POLD2: variants seen among roughly 807,000 people sequenced by gnomAD.
The protein encoded by POLD2 is DNA polymerase delta 2, accessory subunit.
POLD2 carries 31 observed loss-of-function variants against 48.8 expected under a neutral mutation model. The observed-to-expected ratio is 0.64, with a 90% CI of 0.48 to 0.86. POLD2 has a LOEUF of 0.86. POLD2 is among the 40% of genes least tolerant of loss of function. The pLI is 0.00. For missense variants in POLD2, 455 were observed against 610.1 expected (o/e 0.75, Z 2.68); for synonymous variants, 233 against 256.3 (o/e 0.91, Z 0.87).
intron 1 of POLD2, 79 bp downstream of exon 1, chr7:44,123,432 G>A (rs2096251035): frequency 6.7e-7 from 1 of 1,483,852 alleles, no homozygotes; most frequent in Non-Finnish European, 8.9e-7. Flanking sequence ...CAAGACACCA[G>A]CCCACCGACC....
Position 44,116,629 on chromosome 7 carries a change from C to T in POLD2, c.781-119G>A, listed in dbSNP as rs2128810713. 3.0e-6 allele frequency: 3 copies of T among 1,015,628 alleles called. No homozygotes were observed. Among genetic ancestry groups the T allele is most frequent in the South Asian group, 2.9e-5 (2 of 69,338 alleles). 62.9% of individuals were successfully genotyped at this position (1,015,628 alleles called of 1,614,324 possible). A position where few individuals can be genotyped will look rare whatever the true frequency, so the allele number is the denominator to read the frequency against. On this transcript the variant is annotated intron_variant, in intron 6 of 10. Transcript: ENST00000610533. This position sits in a 1 kb window ranked among gnomAD's most constrained non-coding sequence, Gnocchi z 6.1. Reference sequence around the variant, plus strand: ...CCATAGACCCTCACTCCCTTCAAGCCTCCCACCATCCTCAGCGAGGGCCTG... The same window carrying T: ...CCATAGACCCTCACTCCCTTCAAGCTTCCCACCATCCTCAGCGAGGGCCTG...
At chr7:44,122,317 T>A in intron 1 of POLD2, 1 of 1,372,858 alleles carries the variant, frequency 7.3e-7, no homozygotes, top group East Asian at 2.8e-5. Context: ...AAAGGAAAGC[T>A]AGGAGTGTTT....
At chr7:44,117,845 T>TCTCTGAACCTG in intron 3 of POLD2, 98 bp downstream of exon 3, 1 of 1,595,516 alleles carries the variant, frequency 6.3e-7, no homozygotes. Flanking sequence ...GAGTCCATTG[T>TCTCTGAACCTG]CTCTGAACCT....
chr7:44,114,878 A>G lies in POLD2; in HGVS notation c.1317T>C (p.Leu439=). 6.2e-7 allele frequency: 1 copy of G among 1,613,868 alleles called. No homozygotes were observed. Among genetic ancestry groups the G allele is most frequent in the South Asian group, 1.1e-5 (1 of 91,042 alleles). The change falls in exon 11 of 11, where the codon CTT becomes CTC. Residue 439 remains leucine (L), a synonymous_variant. Coordinates refer to ENST00000610533, the MANE Select transcript of POLD2 (RefSeq NM_006230.4). ...PDFSATQTAC[L]VNLRSLACQP... is the part of the protein sequence containing the mutation. Reference sequence around the variant, plus strand: ...GGCAGGCCAGGCTGCGCAGGTTCACAAGGCAGGCGGTCTGCGTGGCACTGA... The same window carrying G: ...GGCAGGCCAGGCTGCGCAGGTTCACGAGGCAGGCGGTCTGCGTGGCACTGA...
chr7:44,122,427 T>G, intron 1 of POLD2: 1 of 1,079,678 alleles, frequency 9.3e-7, no homozygotes, highest in Non-Finnish European at 1.1e-6. Context: ...CCAAATGGAA[T>G]TCCCGATCTG....
chr7:44,123,513 C>A lies in POLD2; in HGVS notation c.-59G>T, dbSNP rs1295736040. On this transcript the variant is annotated splice_region_variant and 5_prime_UTR_variant, in exon 1 of 11. Transcript: ENST00000610533. ...CCGTTTCCCTGGACCCCACTCACCGCGCGGCGCGCCGCATCCCGCCAATCC... is the reference window on the plus strand; with the variant it reads ...CCGTTTCCCTGGACCCCACTCACCGAGCGGCGCGCCGCATCCCGCCAATCC... 2.1e-5 allele frequency: 31 copies of A among 1,483,538 alleles called. No homozygotes were observed. Among genetic ancestry groups the A allele is most frequent in the Non-Finnish European group, 2.6e-5 (29 of 1,124,712 alleles). The allele number at this position is 1,483,538 out of a possible 1,614,324, so 91.9% of individuals were successfully genotyped here. A position where few individuals can be genotyped will look rare whatever the true frequency, so the allele number is the denominator to read the frequency against.
chr7:44,116,880 G>A lies in POLD2; in HGVS notation c.717C>T (p.Ser239=). Residue 239 remains serine, a synonymous_variant, in exon 6 of 11, where the codon TCC becomes TCT. Coordinates refer to ENST00000610533, the MANE Select transcript of POLD2 (RefSeq NM_006230.4). The surrounding 1 kb of genome is among the most constrained non-coding windows in gnomAD (Gnocchi z 6.1). ...GGAGGTTGCCAGCGAGGATAACCCG[G>A]GAGACGTGGGCGGCGCTGCACTGCT... The part of the protein sequence containing the change: ...EGEQCSAAHV[S]RVILAGNLLS... 1 of 1,613,998 alleles carries A rather than the reference G, an allele frequency of 6.2e-7. No individual in the cohort carries two copies. The highest frequency in any genetic ancestry group is 1.1e-5 in the South Asian group (1 of 91,084).
At chr7:44,115,501 C>A in intron 9 of POLD2, 105 bp from the exon 10 acceptor site, 1 of 826,068 alleles carries the variant, frequency 1.2e-6, no homozygotes, top group Non-Finnish European at 2.1e-6. Context: ...CAGTAGGAGA[C>A]CCCCAGTGTG....
chr7:44,115,054 A>G, intron 10 of POLD2, 109 bp from the exon 11 acceptor site: 1 of 985,270 alleles, frequency 1.0e-6, no homozygotes, highest in Non-Finnish European at 1.5e-6. Context: ...TGGGGCAGTG[A>G]CAATAGGAGA....
At chr7:44,123,306 A>T (rs929367785) in intron 1 of POLD2, 3 of 1,364,946 alleles carry the variant, frequency 2.2e-6, no homozygotes, top group African/African-American at 3.1e-5. Flanking sequence ...AACGTGCTTG[A>T]TGGCGGCAGC....
In POLD2 at chr7:44,116,316, G is replaced by A; in HGVS notation, c.862-44C>T. ...GGAGAGCTCACAGGGCCCCGAAGGA[G>A]CCCCCTACACCAACTCCGGCCACTC... On this transcript the variant is annotated intron_variant, in intron 7 of 10. Coordinates refer to ENST00000610533, the MANE Select transcript of POLD2 (RefSeq NM_006230.4). The surrounding 1 kb of genome is among the most constrained non-coding windows in gnomAD (Gnocchi z 6.1). The A allele has an allele frequency of 6.3e-7, 1 of 1,596,416 alleles. No homozygotes were observed. Among genetic ancestry groups the A allele is most frequent in the Non-Finnish European group, 8.5e-7 (1 of 1,169,694 alleles).
At chr7:44,123,415 CG>C (rs2096251012) in intron 1 of POLD2, 95 bp downstream of exon 1, 1 of 1,458,962 alleles carries the variant, frequency 6.9e-7, no homozygotes, top group Non-Finnish European at 9.0e-7. Context: ...AGCTGCGGGA[CG>C]TCCGCCAAGA....
At chr7:44,123,473 C>T in intron 1 of POLD2, 38 bp downstream of exon 1, 2 of 1,496,594 alleles carry the variant, frequency 1.3e-6, no homozygotes, top group Non-Finnish European at 8.8e-7. Context: ...CTGGAACTGC[C>T]ACCCCCAGCT....
Position 44,121,782 on chromosome 7 carries a change from T to G in POLD2, c.220+52A>C. ...CTGTTCCCATTCTCTTGCAGAACACTTCTAAGTTCAGGGATGCTGTGGGGG... is the reference window on the plus strand; with the variant it reads ...CTGTTCCCATTCTCTTGCAGAACACGTCTAAGTTCAGGGATGCTGTGGGGG... On this transcript the variant is annotated intron_variant, in intron 2 of 10. Coordinates refer to ENST00000610533, the MANE Select transcript of POLD2 (RefSeq NM_006230.4). The surrounding 1 kb of genome is among the most constrained non-coding windows in gnomAD (Gnocchi z 4.5). 6.4e-7 allele frequency: 1 copy of G among 1,557,072 alleles called. No homozygotes were observed. Among genetic ancestry groups the G allele is most frequent in the Non-Finnish European group, 8.7e-7 (1 of 1,144,274 alleles).
chr7:44,120,451 G>A (rs1437703117), intron 2 of POLD2, among the ~76,000 whole-genome samples: 1 of 152,218 alleles, frequency 6.6e-6, no homozygotes, highest in Non-Finnish European at 1.5e-5. Flanking sequence ...AGCCGCAGGA[G>A]GGAGCCCCTG....
chr7:44,119,977 G>A (rs1205339431), intron 2 of POLD2, among the ~76,000 whole-genome samples: 3 of 152,206 alleles, frequency 2.0e-5, no homozygotes, highest in African/African-American at 4.8e-5. Context: ...GAAGACAAGG[G>A]AAAGAGTGTG....
chr7:44,116,280 G>A lies in POLD2; in HGVS notation c.862-8C>T. On this transcript the variant is annotated splice_region_variant and splice_polypyrimidine_tract_variant and intron_variant, in intron 7 of 10. Coordinates refer to ENST00000610533, the MANE Select transcript of POLD2 (RefSeq NM_006230.4). The surrounding 1 kb of genome is among the most constrained non-coding windows in gnomAD (Gnocchi z 6.1). Reference sequence around the variant, plus strand: ...GTCCACGGGCACTGAGGCCTGGAAGGCACAGGGCAGGGAGAGCTCACAGGG... The same window carrying A: ...GTCCACGGGCACTGAGGCCTGGAAGACACAGGGCAGGGAGAGCTCACAGGG... 1 of 1,606,092 alleles carries A rather than the reference G, an allele frequency of 6.2e-7. No individual in the cohort carries two copies. The highest frequency in any genetic ancestry group is 8.5e-7 in the Non-Finnish European group (1 of 1,175,548).
At chr7:44,117,886 G>A in intron 3 of POLD2, 57 bp downstream of exon 3, 22 of 1,604,242 alleles carry the variant, frequency 1.4e-5, no homozygotes, top group Non-Finnish European at 1.8e-5. Context: ...CCAGGGAGGT[G>A]TTCTAGTGGG....
In POLD2 at chr7:44,122,334, T is replaced by C. The variant is rs138216631; in HGVS notation, c.-56-225A>G. The C allele has an allele frequency of 5.7e-3, 7,643 of 1,329,314 alleles. 98 individuals carry two copies. The highest frequency in any genetic ancestry group is 0.04 in the South Asian group (2,000 of 49,502). 82.3% of individuals were successfully genotyped at this position (1,329,314 alleles called of 1,614,324 possible). On this transcript the variant is annotated intron_variant, in intron 1 of 10. Transcript: ENST00000610533. ...AGGAAAGCTAGGAGTGTTTGTCCCA[T>C]CTGGAGTTCTTCCCGAACCCTAGAC... is the stretch of plus-strand genomic sequence containing the variant.
Sources: gnomAD v4.1 joint callset for allele counts (sites outside exome capture counted in the v4.1 genomes callset) on GRCh38, gnomAD v4.1.1 for gene constraint, Gnocchi (gnomAD v3.1) non-coding constraint, MANE v1.5 for transcripts, NCBI Gene and HGNC (gene_info 2026-07-23, HGNC 2026-07-21) for gene names.